ITGA11: variants seen among roughly 807,000 people sequenced by gnomAD.
ITGA11 encodes the protein integrin subunit alpha 11.
Under a neutral mutation model 141.9 loss-of-function variants are expected in ITGA11, and 97 were observed. The ratio of observed to expected loss-of-function variants is 0.68; its 90% CI spans 0.58 to 0.81. ITGA11 has a LOEUF of 0.81. ITGA11 is among the 30% of genes least tolerant of loss of function. The pLI is 0.00. For missense variants in ITGA11, 1,387 were observed against 1,559.2 expected (o/e 0.89, Z 1.86); for synonymous variants, 658 against 624.6 (o/e 1.05, Z -0.80).
intron 2 of ITGA11, among the ~76,000 whole-genome samples, chr15:68,393,721 G>T (rs1339730132): frequency 6.6e-6 from 1 of 152,140 alleles, no homozygotes; most frequent in African/African-American, 2.4e-5. Flanking sequence ...GAAATACTAA[G>T]TAGAGTTCTT....
rs144305058 is a variant in ITGA11, at chr15:68,339,573, C to T, written c.1203G>A (p.Gly401=). The change falls in exon 11 of 30, where the codon GGG becomes GGA. Residue 401 remains glycine (G), a synonymous_variant. Coordinates refer to ENST00000315757, the MANE Select transcript of ITGA11 (RefSeq NM_001004439.2). ...AGGACTCGCGGAGAGGAATGACCTT[C>T]CCGGCACTCGTCTCCTTTAGCACAG... The part of the protein sequence containing the change: ...NGAVLKETSA[G]KVIPLRESYL... 2,591 of 1,614,010 alleles carry T rather than the reference C, an allele frequency of 1.6e-3. 3 individuals are homozygous for T. Among genetic ancestry groups the T allele is most frequent in the Non-Finnish European group, 2.0e-3 (2,305 of 1,179,896 alleles).
chr15:68,390,502 C>G (rs189518358), intron 2 of ITGA11, among the ~76,000 whole-genome samples: 1 of 152,260 alleles, frequency 6.6e-6, no homozygotes, highest in Admixed American at 6.5e-5. Flanking sequence ...GGGTTACAGT[C>G]TCCCTGCTAG....
chr15:68,410,790 T>A (rs1013906810), intron 1 of ITGA11, among the ~76,000 whole-genome samples: 11 of 152,106 alleles, frequency 7.2e-5, no homozygotes, highest in African/African-American at 2.7e-4. Context: ...ACTAGTGCGA[T>A]AGAGCAAGGG....
chr15:68,431,079 G>A (rs1897258182), intron 1 of ITGA11, among the ~76,000 whole-genome samples: 2 of 152,238 alleles, frequency 1.3e-5, no homozygotes, highest in South Asian at 4.1e-4. Context: ...GGAGCACTTG[G>A]CCGTCTTCCG....
rs575269180 is a variant in ITGA11 at position 68,321,481 on chromosome 15, T to A, written c.2345A>T (p.Asn782Ile). The A allele has an allele frequency of 1.1e-5, 17 of 1,595,346 alleles. No homozygotes were observed. Among genetic ancestry groups the A allele is most frequent in the Non-Finnish European group, 1.3e-5 (15 of 1,170,876 alleles). Residue 782 changes from asparagine to isoleucine, a missense_variant, in exon 19 of 30, where the codon AAT becomes ATT. By Grantham distance (149) the Asn-to-Ile change is moderately radical. Transcript: ENST00000315757. The surrounding 1 kb of genome is among the most constrained non-coding windows in gnomAD (Gnocchi z 4.9). ...RVSVPFWNGC[N>I]EDEHCVPDLV... Reference sequence around the variant, plus strand: ...GTCAGGGACACAGTGCTCATCCTCATTGCAGCCGTTCCAGAAGGGCACCTG... The same window carrying A: ...GTCAGGGACACAGTGCTCATCCTCAATGCAGCCGTTCCAGAAGGGCACCTG...
intron 2 of ITGA11, among the ~76,000 whole-genome samples, chr15:68,396,923 TTA>T (rs1437558692): frequency 1.7e-5 from 1 of 58,692 alleles, no homozygotes; most frequent in African/African-American, 7.3e-5. Flanking sequence ...ATATTATTTA[TTA>T]TATAATATAT....
Position 68,320,198 on chromosome 15 carries a change from C to G in ITGA11, c.2603G>C (p.Ser868Thr), listed in dbSNP as rs753435130. 1.9e-6 allele frequency: 3 copies of G among 1,613,964 alleles called. No homozygotes were observed. Among genetic ancestry groups the G allele is most frequent in the Non-Finnish European group, 1.7e-6 (2 of 1,179,868 alleles). The change falls in exon 20 of 30, where the codon AGC becomes ACC. Residue 868 changes from serine (S) to threonine (T), a missense_variant. Coordinates refer to ENST00000315757, the MANE Select transcript of ITGA11 (RefSeq NM_001004439.2). The part of the protein sequence containing the change: ...ISQSANLQFA[S>T]LIQKEDSDGS... The stretch of plus-strand genomic sequence containing the variant: ...CTGAGGTCTTACCTTCTGGATCAAG[C>G]TGGCAAACTGCAGGTTTGCTGACTG...
intron 2 of ITGA11, among the ~76,000 whole-genome samples, chr15:68,371,923 C>T (rs748425620): frequency 6.6e-6 from 1 of 152,160 alleles, no homozygotes; most frequent in Non-Finnish European, 1.5e-5. Flanking sequence ...AAGGGCCACT[C>T]CCTGGGTCCC....
intron 10 of ITGA11, among the ~76,000 whole-genome samples, chr15:68,345,777 TC>T (rs1339782516): frequency 6.6e-6 from 1 of 152,054 alleles, no homozygotes; most frequent in Non-Finnish European, 1.5e-5. Context: ...ATAGCCCTGA[TC>T]CCCAGAGAGG....
At chr15:68,400,598 ATAT>A (rs1234942246) in intron 2 of ITGA11, among the ~76,000 whole-genome samples, 21 of 103,894 alleles carry the variant, frequency 2.0e-4, no homozygotes, top group African/African-American at 6.4e-4. Context: ...TATATATTAT[ATAT>A]TATAATATAT....
At chr15:68,343,712 G>C (rs1421161512) in intron 10 of ITGA11, among the ~76,000 whole-genome samples, 1 of 152,198 alleles carries the variant, frequency 6.6e-6, no homozygotes, top group Non-Finnish European at 1.5e-5. Flanking sequence ...TGGCTGTAGA[G>C]GGGTGAGGCT....
intron 2 of ITGA11, among the ~76,000 whole-genome samples, chr15:68,393,987 A>C (rs1397773011): frequency 6.6e-6 from 1 of 152,206 alleles, no homozygotes; most frequent in Non-Finnish European, 1.5e-5. Context: ...TAAAATACTA[A>C]TTGCAAATAG....
At chr15:68,353,302 C>G (rs1226213097) in intron 7 of ITGA11, among the ~76,000 whole-genome samples, 1 of 152,170 alleles carries the variant, frequency 6.6e-6, no homozygotes, top group African/African-American at 2.4e-5. Flanking sequence ...CCTTAAAAAA[C>G]CCACTAATTT....
rs911034079 is a variant in ITGA11, at chr15:68,326,357, C to A, written c.2211+297G>T. On this transcript the variant is annotated intron_variant, in intron 17 of 29. Coordinates refer to ENST00000315757, the MANE Select transcript of ITGA11 (RefSeq NM_001004439.2). The surrounding 1 kb of genome is among the most constrained non-coding windows in gnomAD (Gnocchi z 6.8). ...ATCCCTCCCTTTGGGGCTGTGCCCC[C>A]CACCAGCTGCTCCTAGTTCTCTCTG... Among the ~76,000 whole-genome samples the A allele has an allele frequency of 3.3e-5, 5 of 152,188 alleles. No homozygotes were observed. The highest frequency in any genetic ancestry group is 7.3e-5 in the Non-Finnish European group (5 of 68,044).
chr15:68,432,057 G>T lies in ITGA11; in HGVS notation c.10C>A (p.Pro4Thr). The T allele has an allele frequency of 7.3e-7, 1 of 1,366,530 alleles. No individual in the cohort carries two copies. Among genetic ancestry groups the T allele is most frequent in the Non-Finnish European group, 9.4e-7 (1 of 1,060,944 alleles). 84.7% of individuals were successfully genotyped at this position (1,366,530 alleles called of 1,614,324 possible). Reference protein sequence around the residue: MDLPRGLVVAWALS... With the variant: MDLTRGLVVAWALS... Reference sequence around the variant, plus strand: ...GCCCAGGCCACCACCAGGCCCCTGGGCAGGTCCATGGCCCGCGGCACGGCG... The same window carrying T: ...GCCCAGGCCACCACCAGGCCCCTGGTCAGGTCCATGGCCCGCGGCACGGCG... Residue 4 changes from proline to threonine, a missense_variant, in exon 1 of 30, where the codon CCC becomes ACC. Physicochemically the swap from Pro to Thr is conservative, Grantham distance 38. Coordinates refer to ENST00000315757, the MANE Select transcript of ITGA11 (RefSeq NM_001004439.2).
chr15:68,362,601 G>A (rs1895280352), intron 4 of ITGA11, among the ~76,000 whole-genome samples: 1 of 152,072 alleles, frequency 6.6e-6, no homozygotes, highest in Admixed American at 6.5e-5. Flanking sequence ...GTAGATGGAT[G>A]GATGAATGAT....
Position 68,335,938 on chromosome 15 carries a change from G to A in ITGA11, c.1277-93C>T, listed in dbSNP as rs1193742440. ...ATGGCTTGGCAGTGCCAGAGGATGG[G>A]CCAGTGATGGGGTAGGTTCAGGGCT... On this transcript the variant is annotated intron_variant, in intron 11 of 29. Coordinates refer to ENST00000315757, the MANE Select transcript of ITGA11 (RefSeq NM_001004439.2). This position sits in a 1 kb window ranked among gnomAD's most constrained non-coding sequence, Gnocchi z 4.9. 1 of 1,417,968 alleles carries A rather than the reference G, an allele frequency of 7.1e-7. No homozygotes were observed. Among genetic ancestry groups the A allele is most frequent in the Non-Finnish European group, 9.6e-7 (1 of 1,037,496 alleles). The allele number at this position is 1,417,968 out of a possible 1,614,324, so 87.8% of individuals were successfully genotyped here. A position where few individuals can be genotyped will look rare whatever the true frequency, so the allele number is the denominator to read the frequency against.
intron 2 of ITGA11, among the ~76,000 whole-genome samples, chr15:68,385,778 C>T (rs1451471499): frequency 1.3e-5 from 2 of 152,184 alleles, no homozygotes; most frequent in Non-Finnish European, 2.9e-5. Flanking sequence ...TCCCGGCCCT[C>T]AAACTGACTT....
chr15:68,302,988 A>C lies in ITGA11; in HGVS notation c.*71T>G. The C allele has an allele frequency of 1.1e-5, 14 of 1,259,756 alleles. No homozygotes were observed. Among genetic ancestry groups the C allele is most frequent in the Admixed American group, 2.5e-5 (1 of 39,348 alleles). The allele number at this position is 1,259,756 out of a possible 1,614,324, so 78.0% of individuals were successfully genotyped here. ...CTCTCCGCTCCAGCTCGGTGGGGCC[A>C]CAGGCCTGGGTCTCAACACTACCTG... On this transcript the variant is annotated 3_prime_UTR_variant, in exon 30 of 30. Coordinates refer to ENST00000315757, the MANE Select transcript of ITGA11 (RefSeq NM_001004439.2).
Sources: allele counts gnomAD v4.1 joint callset (sites outside exome capture counted in the v4.1 genomes callset), GRCh38; gene constraint gnomAD v4.1.1; non-coding constraint Gnocchi (gnomAD v3.1); transcripts MANE v1.5; gene names NCBI Gene and HGNC (gene_info 2026-07-23, HGNC 2026-07-21).